Variants in CRMP1 observed in about 807,000 individuals in gnomAD.
The protein encoded by CRMP1 is dihydropyrimidinase-related protein 1.
CRMP1 carries 19 observed loss-of-function variants against 68.3 expected under a neutral mutation model. The observed-to-expected ratio is 0.28, with a 90% CI of 0.19 to 0.41. The LOEUF is 0.41. Among genes scored for constraint, CRMP1 ranks in the 10% least tolerant of loss-of-function variants. The probability of loss-of-function intolerance (pLI) is 1.00; values close to 1 mark genes in which losing one functional copy is unlikely to be tolerated. For synonymous variants in CRMP1, 439 were observed against 399.6 expected, an observed-to-expected ratio of 1.10 and a Z score of -1.18; for missense variants, 791 against 967.4, an observed-to-expected ratio of 0.82 and a Z score of 2.42.
chr4:5,824,958 T>G lies in CRMP1; in HGVS notation c.1969+536A>C, dbSNP rs958028351. 4 of 985,320 alleles carry G rather than the reference T, an allele frequency of 4.1e-6. No individual in the cohort carries two copies. In the African/African-American group the frequency reaches 7.0e-5, roughly 17 times the overall value. 61.0% of individuals were successfully genotyped at this position (985,320 alleles called of 1,614,324 possible). ...TCCCACACATTTGTTGAGCACCAAG[T>G]CCTGGTATTTTGACACTGGATTTCT... is the stretch of plus-strand genomic sequence containing the variant. On this transcript the variant is annotated intron_variant, in intron 13 of 13. Transcript: ENST00000324989.
chr4:5,866,871 C>G lies in CRMP1; in HGVS notation c.382-115G>C. The stretch of plus-strand genomic sequence containing the variant: ...TATTTTCAAAAGTAAAGGCATTTAA[C>G]TTCCCCCGCCCCAGATCCATCACCA... On this transcript the variant is annotated intron_variant, in intron 1 of 13. Transcript: ENST00000324989. The surrounding 1 kb of genome is among the most constrained non-coding windows in gnomAD (Gnocchi z 5.9). 1 of 654,094 alleles carries G rather than the reference C, an allele frequency of 1.5e-6. No individual in the cohort carries two copies. The highest frequency in any genetic ancestry group is 2.5e-6 in the Non-Finnish European group (1 of 392,728). 40.5% of individuals were successfully genotyped at this position (654,094 alleles called of 1,614,324 possible).
intron 2 of CRMP1, among the ~76,000 whole-genome samples, chr4:5,864,545 C>T (rs1277790673): frequency 6.6e-6 from 1 of 152,216 alleles, no homozygotes; most frequent in Non-Finnish European, 1.5e-5. Flanking sequence ...ATCGGTGCTC[C>T]AGGACCTACA....
chr4:5,826,991 T>C (rs1054487589), intron 12 of CRMP1: 2 of 152,566 alleles, frequency 1.3e-5, no homozygotes, highest in African/African-American at 2.4e-5. Flanking sequence ...GGCTGTGGCA[T>C]TGCTTCCTGG....
intron 1 of CRMP1, among the ~76,000 whole-genome samples, chr4:5,878,065 G>A (rs1228648803): frequency 7.9e-5 from 12 of 152,234 alleles, no homozygotes. Flanking sequence ...GATCAGTTCT[G>A]CATTACATGG....
At chr4:5,837,001 G>C (rs1720769798) in intron 9 of CRMP1, 95 bp from the exon 10 acceptor site, 1 of 1,388,318 alleles carries the variant, frequency 7.2e-7, no homozygotes, top group Non-Finnish European at 9.8e-7. Context: ...GCCAGTGAAT[G>C]AATGAATAGA....
chr4:5,878,633 C>T (rs1715013349), intron 1 of CRMP1, among the ~76,000 whole-genome samples: 1 of 152,150 alleles, frequency 6.6e-6, no homozygotes, highest in African/African-American at 2.4e-5. Flanking sequence ...CTGCACCTAA[C>T]GATATGGGTG....
rs1270563672 is a variant in CRMP1 at position 5,841,951 on chromosome 4, C to T, written c.1033-523G>A. On this transcript the variant is annotated intron_variant, in intron 7 of 13. Coordinates refer to ENST00000324989, the MANE Select transcript of CRMP1 (RefSeq NM_001014809.3). The surrounding 1 kb of genome is among the most constrained non-coding windows in gnomAD (Gnocchi z 6.9). ...ATCCCAGCACTTTGGGAGGCCAAGA[C>T]GGATGGATCACTTGAGGTCGGAAGT... is the stretch of plus-strand genomic sequence containing the variant. Among the ~76,000 whole-genome samples, 6 of 152,196 alleles carry T rather than the reference C, an allele frequency of 3.9e-5. No individual in the cohort carries two copies. Among genetic ancestry groups the T allele is most frequent in the Non-Finnish European group, 8.8e-5 (6 of 68,048 alleles).
intron 1 of CRMP1, among the ~76,000 whole-genome samples, chr4:5,868,308 A>ATT (rs1256116963): frequency 3.3e-5 from 3 of 90,406 alleles, no homozygotes; most frequent in Admixed American, 1.2e-4. Flanking sequence ...TATATACATA[A>ATT]TTTTTTTTTT....
chr4:5,892,729 T>C lies in CRMP1; in HGVS notation c.241A>G (p.Ser81Gly). The change falls in exon 1 of 14, where the codon AGC becomes GGC. Residue 81 changes from serine to glycine, a missense_variant. By Grantham distance (56) the Ser-to-Gly change is moderately conservative (BLOSUM62 0). This residue lies in a region of CRMP1 where 193 missense variants were observed against 186.3 expected (regional missense o/e 1.04). Transcript: ENST00000324989. The surrounding 1 kb of genome is among the most constrained non-coding windows in gnomAD (Gnocchi z 8.6). ...CTCACGTCGCTGGCCGTGTCCTCGCTGCCTCCCGGCCCTGGCAGCCCGACC... is the reference window on the plus strand; with the variant it reads ...CTCACGTCGCTGGCCGTGTCCTCGCCGCCTCCCGGCCCTGGCAGCCCGACC... ...DAVGLPGPGGSEDTASDVSEP... is the reference protein window; with the variant it reads ...DAVGLPGPGGGEDTASDVSEP... 1 of 1,229,408 alleles carries C rather than the reference T, an allele frequency of 8.1e-7. No homozygotes were observed. The highest frequency in any genetic ancestry group is 1.0e-6 in the Non-Finnish European group (1 of 985,674). The allele number at this position is 1,229,408 out of a possible 1,614,324, so 76.2% of individuals were successfully genotyped here.
chr4:5,844,205 C>G (rs914496484), intron 6 of CRMP1, among the ~76,000 whole-genome samples: 1 of 152,018 alleles, frequency 6.6e-6, no homozygotes, highest in Non-Finnish European at 1.5e-5. Context: ...TTGAAGTAAA[C>G]AATGGAATAA....
rs770968578 is a variant in CRMP1 at position 5,851,465 on chromosome 4, G to C, written c.825C>G (p.Val275=). 6 of 1,614,052 alleles carry C rather than the reference G, an allele frequency of 3.7e-6. No individual in the cohort carries two copies. Among genetic ancestry groups the C allele is most frequent in the Non-Finnish European group, 4.2e-6 (5 of 1,179,880 alleles). Residue 275 remains valine (V), a synonymous_variant, in exon 5 of 14, where the codon GTC becomes GTG. Coordinates refer to ENST00000324989, the MANE Select transcript of CRMP1 (RefSeq NM_001014809.3). ...ELEVLVQDKG[V]NSFQVYMAYK... is the part of the protein sequence containing the mutation. ...AGGCCATGTAGACTTGGAAGGAATT[G>C]ACGCCTGTTTCAAGATAGAAAGGAT...
intron 9 of CRMP1, among the ~76,000 whole-genome samples, chr4:5,837,868 G>A (rs1487853702): frequency 2.6e-5 from 4 of 152,024 alleles, no homozygotes; most frequent in Non-Finnish European, 4.4e-5. Context: ...TGCTTCCTAT[G>A]TGCCCGGTAC....
intron 3 of CRMP1, among the ~76,000 whole-genome samples, chr4:5,856,573 CCAT>C (rs774882538): frequency 6.6e-5 from 10 of 151,798 alleles, no homozygotes; most frequent in South Asian, 4.2e-4. Context: ...ACTACCACCA[CCAT>C]CATCACCATC....
intron 1 of CRMP1, among the ~76,000 whole-genome samples, chr4:5,868,253 CTATATATCTATATATATATATATATATA>C (rs1361872238): frequency 7.2e-5 from 6 of 83,132 alleles, no homozygotes; most frequent in Admixed American, 1.7e-4. Context: ...TTCTTCATGA[CTATATATCTATATATATATATATATATA>C]TATATATATA....
intron 2 of CRMP1, among the ~76,000 whole-genome samples, chr4:5,862,654 C>T (rs1487518808): frequency 6.6e-6 from 1 of 152,206 alleles, no homozygotes; most frequent in Non-Finnish European, 1.5e-5. Context: ...GGGCACGGTC[C>T]AGGCAGAAGG....
intron 13 of CRMP1, among the ~76,000 whole-genome samples, chr4:5,823,477 C>T (rs1226937516): frequency 1.3e-5 from 2 of 152,164 alleles, no homozygotes; most frequent in Admixed American, 1.3e-4. Flanking sequence ...GGACTTTTGT[C>T]CCCCAAAACT....
In CRMP1 at chr4:5,860,736, T is replaced by C. The variant is rs557922382; in HGVS notation, c.655+290A>G. On this transcript the variant is annotated intron_variant, in intron 3 of 13. Transcript: ENST00000324989. The surrounding 1 kb of genome is among the most constrained non-coding windows in gnomAD (Gnocchi z 4.2). ...AAATCTAAATGTGACTTCAGTCTCATGCTAAGCGATTATATCAATGAGATG... is the reference window on the plus strand; with the variant it reads ...AAATCTAAATGTGACTTCAGTCTCACGCTAAGCGATTATATCAATGAGATG... 1.1e-4 allele frequency among the ~76,000 whole-genome samples: 17 copies of C among 152,220 alleles called. No homozygotes were observed. The highest frequency in any genetic ancestry group is 1.3e-4 in the Non-Finnish European group (9 of 68,050).
Position 5,888,529 on chromosome 4 carries a change from G to C in CRMP1, c.381+4060C>G. ...AGGGAGAGGCGAGGGCGGGAGGAGG[G>C]GGCTGCAGACAGCTCCTCCCGGCGG... On this transcript the variant is annotated intron_variant, in intron 1 of 13. Coordinates refer to ENST00000324989, the MANE Select transcript of CRMP1 (RefSeq NM_001014809.3). This position sits in a 1 kb window ranked among gnomAD's most constrained non-coding sequence, Gnocchi z 6.4. 1 of 1,176,974 alleles carries C rather than the reference G, an allele frequency of 8.5e-7. No homozygotes were observed. Among genetic ancestry groups the C allele is most frequent in the Non-Finnish European group, 1.0e-6 (1 of 952,940 alleles). The allele number at this position is 1,176,974 out of a possible 1,614,324, so 72.9% of individuals were successfully genotyped here. A position where few individuals can be genotyped will look rare whatever the true frequency, so the allele number is the denominator to read the frequency against.
Position 5,888,258 on chromosome 4 carries a change from G to A in CRMP1, c.381+4331C>T, listed in dbSNP as rs1019050044. The A allele has an allele frequency of 1.6e-6, 2 of 1,289,114 alleles. No individual in the cohort carries two copies. Among genetic ancestry groups the A allele is most frequent in the Non-Finnish European group, 2.0e-6 (2 of 1,011,808 alleles). 79.9% of individuals were successfully genotyped at this position (1,289,114 alleles called of 1,614,324 possible). A position where few individuals can be genotyped will look rare whatever the true frequency, so the allele number is the denominator to read the frequency against. On this transcript the variant is annotated intron_variant, in intron 1 of 13. Coordinates refer to ENST00000324989, the MANE Select transcript of CRMP1 (RefSeq NM_001014809.3). The surrounding 1 kb of genome is among the most constrained non-coding windows in gnomAD (Gnocchi z 6.4). ...TGTGCGGGATGCTCTTCTTGCCCTG[G>A]TACGACATGGCCCCCTCTGGCGCCC...
Sources: allele counts gnomAD v4.1 joint callset (sites outside exome capture counted in the v4.1 genomes callset), GRCh38; gene constraint gnomAD v4.1.1; regional missense constraint gnomAD v4.1.1; non-coding constraint Gnocchi (gnomAD v3.1); transcripts MANE v1.5; gene names NCBI Gene and HGNC (gene_info 2026-07-23, HGNC 2026-07-21).